PRRX2: variants seen among roughly 807,000 people sequenced by gnomAD.
PRRX2 encodes paired related homeobox 2, also known as paired mesoderm homeobox protein 2.
PRRX2 carries 11 observed loss-of-function variants against 18.0 expected under a neutral mutation model. The observed-to-expected ratio is 0.61, with a 90% CI of 0.39 to 1.01. The LOEUF is 1.01. PRRX2 is among the 50% of genes least tolerant of loss of function. The pLI is 0.01. For synonymous variants in PRRX2, 177 were observed against 154.8 expected (o/e 1.14, Z -1.06); for missense variants, 387 against 351.0 (o/e 1.10, Z -0.82).
intron 1 of PRRX2, among the ~76,000 whole-genome samples, chr9:129,699,082 G>C (rs1231623601): frequency 6.6e-6 from 1 of 152,218 alleles, no homozygotes; most frequent in African/African-American, 2.4e-5. Flanking sequence ...GCATTTCCCT[G>C]TGGGAGGTGA....
chr9:129,674,275 G>A (rs1332800127), intron 1 of PRRX2, among the ~76,000 whole-genome samples: 3 of 152,210 alleles, frequency 2.0e-5, no homozygotes, highest in Non-Finnish European at 4.4e-5. Flanking sequence ...GGTCCCCATG[G>A]CGCCCTTGAT....
At chr9:129,676,092 C>T (rs2119055895) in intron 1 of PRRX2, among the ~76,000 whole-genome samples, 1 of 152,300 alleles carries the variant, frequency 6.6e-6, no homozygotes, top group South Asian at 2.1e-4. Flanking sequence ...TTTTCCAGGG[C>T]TGGGTCTGCA....
chr9:129,688,158 C>T (rs1832317954), intron 1 of PRRX2, among the ~76,000 whole-genome samples: 1 of 152,132 alleles, frequency 6.6e-6, no homozygotes, highest in Non-Finnish European at 1.5e-5. Flanking sequence ...CGCCTCTGGG[C>T]TCAAGCCATC....
chr9:129,704,019 A>C (rs1433276882), intron 1 of PRRX2, among the ~76,000 whole-genome samples: 1 of 152,228 alleles, frequency 6.6e-6, no homozygotes, highest in African/African-American at 2.4e-5. Context: ...GGACAGAGAG[A>C]ACTGACTTTC....
intron 1 of PRRX2, among the ~76,000 whole-genome samples, chr9:129,713,673 C>T (rs1832661405): frequency 6.6e-6 from 1 of 151,576 alleles, no homozygotes; most frequent in Admixed American, 6.6e-5. Context: ...TCTTGTTGCC[C>T]AGACTGGAGT....
At chr9:129,674,942 C>G (rs1236899478) in intron 1 of PRRX2, among the ~76,000 whole-genome samples, 3 of 152,158 alleles carry the variant, frequency 2.0e-5, no homozygotes, top group Non-Finnish European at 4.4e-5. Context: ...GGATCGGACT[C>G]GGAGCCTAGG....
intron 1 of PRRX2, among the ~76,000 whole-genome samples, chr9:129,690,175 C>T (rs1832344503): frequency 6.6e-6 from 1 of 152,190 alleles, no homozygotes; most frequent in Non-Finnish European, 1.5e-5. Flanking sequence ...GCCTGTCCTC[C>T]TCTCCGCTGC....
chr9:129,685,866 C>T (rs542218261), intron 1 of PRRX2, among the ~76,000 whole-genome samples: 13 of 152,300 alleles, frequency 8.5e-5, no homozygotes, highest in African/African-American at 2.2e-4. Flanking sequence ...AGAGGGAACC[C>T]GGTTCTTGGT....
At chr9:129,684,279 A>C (rs1463788844) in intron 1 of PRRX2, among the ~76,000 whole-genome samples, 1 of 152,140 alleles carries the variant, frequency 6.6e-6, no homozygotes, top group Non-Finnish European at 1.5e-5. Flanking sequence ...GGATATATTT[A>C]TTAGCCTAAT....
At chr9:129,713,566 G>A (rs1396366194) in intron 1 of PRRX2, among the ~76,000 whole-genome samples, 1 of 152,172 alleles carries the variant, frequency 6.6e-6, no homozygotes, top group Non-Finnish European at 1.5e-5. Flanking sequence ...GAGGCCCCGT[G>A]AAGAGGGGTT....
intron 1 of PRRX2, among the ~76,000 whole-genome samples, chr9:129,683,112 A>G (rs1361684449): frequency 6.6e-6 from 1 of 152,076 alleles, no homozygotes; most frequent in Non-Finnish European, 1.5e-5. Flanking sequence ...TCTAAAAAAA[A>G]AAAAATTCCC....
At position 129,675,407 on chromosome 9, in the gene PRRX2, AG is replaced by A. The variant is rs1160575057; in HGVS notation, c.259+9284del. 6.6e-6 allele frequency among the ~76,000 whole-genome samples: 1 copy of A among 152,106 alleles called. No homozygotes were observed. Among genetic ancestry groups the A allele is most frequent in the Admixed American group, 6.5e-5 (1 of 15,290 alleles). On this transcript the variant is annotated intron_variant, in intron 1 of 3. Coordinates refer to ENST00000372469, the MANE Select transcript of PRRX2 (RefSeq NM_016307.4). The surrounding 1 kb of genome is among the most constrained non-coding windows in gnomAD (Gnocchi z 4.4). ...CTGACCCCCTCTAGCTTTGGTGGCC[AG>A]GGTTGGGGTGTAGGAGGCAGTCAAA...
At chr9:129,698,129 C>T (rs1832449771) in intron 1 of PRRX2, among the ~76,000 whole-genome samples, 1 of 152,004 alleles carries the variant, frequency 6.6e-6, no homozygotes, top group Non-Finnish European at 1.5e-5. Context: ...CAGGCAGCTT[C>T]GGGGTGCTCT....
intron 1 of PRRX2, among the ~76,000 whole-genome samples, chr9:129,668,272 C>T (rs1588159633): frequency 1.3e-5 from 2 of 152,182 alleles, no homozygotes; most frequent in African/African-American, 4.8e-5. Context: ...GAGATGGGAT[C>T]CTTCTTTCCC....
intron 1 of PRRX2, among the ~76,000 whole-genome samples, chr9:129,694,823 G>C (rs1460388128): frequency 6.6e-6 from 1 of 152,112 alleles, no homozygotes; most frequent in Admixed American, 6.5e-5. Context: ...AGCGGAGGGA[G>C]CCCCATTCAG....
chr9:129,719,391 C>G lies in PRRX2; in HGVS notation c.420C>G (p.Arg140=). The part of the protein sequence containing the change: ...DAFVREELAR[R]VNLSEARVQV... ...TTGTGCGCGAGGAGCTTGCCCGGCG[C>G]GTCAACCTCAGCGAGGCGCGCGTTC... Residue 140 remains arginine, a synonymous_variant, in exon 2 of 4, where the codon CGC becomes CGG. Transcript: ENST00000372469. The G allele has an allele frequency of 6.5e-7, 1 of 1,549,240 alleles. No homozygotes were observed. Among genetic ancestry groups the G allele is most frequent in the Non-Finnish European group, 8.7e-7 (1 of 1,147,744 alleles).
chr9:129,721,562 C>A (rs575000395), intron 3 of PRRX2, among the ~76,000 whole-genome samples: 210 of 152,090 alleles, frequency 1.4e-3, no homozygotes, highest in African/African-American at 5.0e-3. Context: ...GCAGGAAAAC[C>A]AAGGGGCATC....
chr9:129,714,521 G>C (rs1006309775), intron 1 of PRRX2, among the ~76,000 whole-genome samples: 63 of 152,300 alleles, frequency 4.1e-4, no homozygotes, highest in African/African-American at 1.5e-3. Flanking sequence ...GTCCCAACCG[G>C]CTCTGGCTGA....
chr9:129,712,911 A>G (rs1832647088), intron 1 of PRRX2: 1 of 152,216 alleles, frequency 6.6e-6, no homozygotes, highest in African/African-American at 2.4e-5. Flanking sequence ...CTTAGAGAGT[A>G]TTTATTTTAT....
Sources: gnomAD v4.1 joint callset for allele counts (sites outside exome capture counted in the v4.1 genomes callset) on GRCh38, gnomAD v4.1.1 for gene constraint, Gnocchi (gnomAD v3.1) non-coding constraint, MANE v1.5 for transcripts, NCBI Gene and HGNC (gene_info 2026-07-23, HGNC 2026-07-21) for gene names.